Variants in NRXN1 observed in about 807,000 individuals in gnomAD.
The protein encoded by NRXN1 is neurexin-1.
A neutral mutation model predicts 150.9 loss-of-function variants in NRXN1; 39 were observed. That is an observed-to-expected ratio of 0.26 (90% CI 0.20 to 0.34). The LOEUF (loss-of-function observed/expected upper bound fraction) is 0.34. Ranked by LOEUF, NRXN1 falls within the 10% of genes least tolerant of loss-of-function variation. The pLI, the probability that NRXN1 is intolerant of heterozygous loss-of-function variation, is 1.00. For synonymous variants in NRXN1, 924 were observed against 757.0 expected (o/e 1.22, Z -3.62); for missense variants, 1,815 against 1,949.9 (o/e 0.93, Z 1.30).
At position 50,616,891 on chromosome 2, in the gene NRXN1, C is replaced by T. The variant is rs140689859; in HGVS notation, c.1320+3131G>A. ...AGGGTTTACACATGCAGTGTGCTATCGACCAGGAAGTCCAAGCTAGAGTTC... is the reference window on the plus strand; with the variant it reads ...AGGGTTTACACATGCAGTGTGCTATTGACCAGGAAGTCCAAGCTAGAGTTC... On this transcript the variant is annotated intron_variant, in intron 8 of 22. Coordinates refer to ENST00000401669, the MANE Select transcript of NRXN1 (RefSeq NM_001330078.2). Among the ~76,000 whole-genome samples the T allele has an allele frequency of 4.0e-4, 61 of 152,292 alleles. 1 individual carries two copies. In the East Asian group the frequency reaches 9.4e-3, roughly 24 times the overall value.
intron 5 of NRXN1, among the ~76,000 whole-genome samples, chr2:50,758,836 C>T (rs1461912559): frequency 1.3e-5 from 2 of 151,876 alleles, no homozygotes; most frequent in Non-Finnish European, 2.9e-5. Context: ...CTACTGCTTC[C>T]AGGATGACCA....
chr2:50,803,035 G>C (rs977604803), intron 5 of NRXN1, among the ~76,000 whole-genome samples: 1 of 152,062 alleles, frequency 6.6e-6, no homozygotes, highest in African/African-American at 2.4e-5. Context: ...CCAGCTTTTG[G>C]TACTTTTTGT....
chr2:50,515,034 G>A (rs1318141586), intron 12 of NRXN1, among the ~76,000 whole-genome samples: 4 of 152,264 alleles, frequency 2.6e-5, no homozygotes, highest in East Asian at 1.9e-4. Flanking sequence ...GAAGCATGCC[G>A]CACAGCAGGA....
chr2:50,938,437 T>C (rs111901699), intron 2 of NRXN1, among the ~76,000 whole-genome samples: 2,310 of 152,252 alleles, frequency 0.015, 66 homozygotes, highest in African/African-American at 0.051. Context: ...TCAACAAGAC[T>C]CTAGGAAGTT....
chr2:50,116,032 T>C (rs1703013714), intron 18 of NRXN1, among the ~76,000 whole-genome samples: 1 of 152,122 alleles, frequency 6.6e-6, no homozygotes, highest in African/African-American at 2.4e-5. Flanking sequence ...TCTGAAGACA[T>C]AGATTGAAAT....
intron 21 of NRXN1, among the ~76,000 whole-genome samples, chr2:50,002,983 GC>G (rs1231414774): frequency 3.9e-5 from 6 of 152,094 alleles, no homozygotes; most frequent in African/African-American, 1.4e-4. Flanking sequence ...AAAGCCTCAA[GC>G]CCTTTCCAAA....
chr2:50,613,980 A>G (rs1400272678), intron 8 of NRXN1, among the ~76,000 whole-genome samples: 1 of 152,170 alleles, frequency 6.6e-6, no homozygotes, highest in East Asian at 1.9e-4. Context: ...TTCTATAATG[A>G]TATGGTAAGT....
intron 5 of NRXN1, among the ~76,000 whole-genome samples, chr2:50,884,715 C>T (rs1232632565): frequency 6.6e-6 from 1 of 151,424 alleles, no homozygotes; most frequent in Admixed American, 6.6e-5. Flanking sequence ...ACTCACTGCT[C>T]ACAGGTACAT....
At chr2:50,682,841 T>C (rs1189842142) in intron 5 of NRXN1, among the ~76,000 whole-genome samples, 1 of 152,186 alleles carries the variant, frequency 6.6e-6, no homozygotes, top group East Asian at 1.9e-4. Flanking sequence ...ATACATTCTT[T>C]AGTGGACTCA....
intron 5 of NRXN1, among the ~76,000 whole-genome samples, chr2:50,793,291 G>A (rs991705497): frequency 6.6e-6 from 1 of 152,066 alleles, no homozygotes; most frequent in Non-Finnish European, 1.5e-5. Context: ...AAAATGTTCA[G>A]ATAAATCATG....
intron 12 of NRXN1, among the ~76,000 whole-genome samples, chr2:50,525,963 C>T (rs1395328284): frequency 6.6e-6 from 1 of 152,136 alleles, no homozygotes; most frequent in Non-Finnish European, 1.5e-5. Flanking sequence ...ACAAGAGTGG[C>T]TGAAAAAGAA....
intron 17 of NRXN1, among the ~76,000 whole-genome samples, chr2:50,263,850 A>T (rs1218537402): frequency 1.3e-5 from 2 of 152,204 alleles, no homozygotes; most frequent in Admixed American, 6.6e-5. Flanking sequence ...CACTCTATTG[A>T]TTGGCTATTT....
chr2:49,962,814 G>T (rs1281342261), intron 21 of NRXN1, among the ~76,000 whole-genome samples: 3 of 152,054 alleles, frequency 2.0e-5, no homozygotes, highest in Non-Finnish European at 2.9e-5. Flanking sequence ...TTAGCCGGGG[G>T]TGGTGGCATG....
intron 17 of NRXN1, among the ~76,000 whole-genome samples, chr2:50,439,673 CG>C (rs1434146360): frequency 6.6e-6 from 1 of 151,754 alleles, no homozygotes; most frequent in East Asian, 1.9e-4. Context: ...AAAAATTAGT[CG>C]GGCGTGGTGG....
intron 18 of NRXN1, among the ~76,000 whole-genome samples, chr2:50,122,528 G>A (rs1473072307): frequency 7.9e-5 from 12 of 152,196 alleles, no homozygotes; most frequent in Non-Finnish European, 1.6e-4. Flanking sequence ...ATGGGGCTTT[G>A]TTCTTTGTTT....
intron 2 of NRXN1, among the ~76,000 whole-genome samples, chr2:51,003,804 C>T (rs947392317): frequency 3.3e-5 from 5 of 152,084 alleles, no homozygotes; most frequent in African/African-American, 1.2e-4. Flanking sequence ...TGTTACCAAA[C>T]AAGAAGTGAG....
chr2:50,460,473 TC>T (rs1373351270), intron 17 of NRXN1, among the ~76,000 whole-genome samples: 1 of 152,032 alleles, frequency 6.6e-6, no homozygotes, highest in African/African-American at 2.4e-5. Context: ...GTTGTTTTTC[TC>T]CCCACCTAAA....
intron 17 of NRXN1, among the ~76,000 whole-genome samples, chr2:50,281,030 C>G (rs1053130899): frequency 5.3e-5 from 8 of 151,556 alleles, no homozygotes; most frequent in African/African-American, 1.9e-4. Flanking sequence ...ATAGGCCGGG[C>G]GCGGTGGCTC....
chr2:50,165,660 T>C (rs2059637444), intron 18 of NRXN1, among the ~76,000 whole-genome samples: 1 of 152,204 alleles, frequency 6.6e-6, no homozygotes, highest in South Asian at 2.1e-4. Flanking sequence ...GCCAGCACTG[T>C]CAACTCATTT....
Sources: allele counts gnomAD v4.1 joint callset (sites outside exome capture counted in the v4.1 genomes callset), GRCh38; gene constraint gnomAD v4.1.1; transcripts MANE v1.5; gene names NCBI Gene and HGNC (gene_info 2026-07-23, HGNC 2026-07-21).